PDE4D: variants seen among roughly 807,000 people sequenced by gnomAD.
PDE4D encodes 3',5'-cyclic-AMP phosphodiesterase 4D.
In PDE4D, 24 loss-of-function variants were observed where a neutral mutation model predicts 87.4. The ratio of observed to expected loss-of-function variants is 0.27; its 90% CI spans 0.20 to 0.39. The LOEUF is 0.39. Ranked by LOEUF, PDE4D falls within the 10% of genes least tolerant of loss-of-function variation. The pLI is 1.00. For synonymous variants in PDE4D, 384 were observed against 383.2 expected (o/e 1.00, Z -0.02); for missense variants, 714 against 1,041.0 (o/e 0.69, Z 4.32).
chr5:60,187,295 A>G (rs76073076), intron 1 of PDE4D, among the ~76,000 whole-genome samples: 1 of 152,280 alleles, frequency 6.6e-6, no homozygotes, highest in South Asian at 2.1e-4. Flanking sequence ...CACCTTTACA[A>G]ATTAGCATCC....
intron 6 of PDE4D, among the ~76,000 whole-genome samples, chr5:59,022,410 C>T (rs1253428572): frequency 2.6e-5 from 4 of 152,160 alleles, no homozygotes; most frequent in African/African-American, 9.7e-5. Context: ...ATTTTCCACC[C>T]TATTCAGAAG....
rs1454364586 is a variant in PDE4D, at chr5:59,275,705, T to TG, written c.456-59738dup. Reference sequence around the variant, plus strand: ...CTGAATTCTGAATTGATTCTTCATCTGGGTCACAAGGGAAACCAGCATAGT... The same window carrying TG: ...CTGAATTCTGAATTGATTCTTCATCTGGGGTCACAAGGGAAACCAGCATAGT... On this transcript the variant is annotated intron_variant, in intron 1 of 14. Transcript: ENST00000340635. 6 of 1,084,818 alleles carry TG rather than the reference T, an allele frequency of 5.5e-6. No individual in the cohort carries two copies. The East Asian group carries it at 2.5e-4, about 45-fold the overall frequency. 67.2% of individuals were successfully genotyped at this position (1,084,818 alleles called of 1,614,324 possible).
At chr5:60,511,467 C>T (rs931457834) in intron 1 of PDE4D, among the ~76,000 whole-genome samples, 6 of 150,890 alleles carry the variant, frequency 4.0e-5, no homozygotes, top group African/African-American at 1.5e-4. Context: ...ATATTATTTG[C>T]CAATACATTA....
At chr5:59,768,217 C>G in intron 1 of PDE4D, 1 of 1,593,428 alleles carries the variant, frequency 6.3e-7, no homozygotes, top group East Asian at 2.2e-5. Flanking sequence ...GAAACGGCCA[C>G]CATTTCTGCG....
At chr5:59,572,392 CTATTT>C (rs202097538) in intron 1 of PDE4D, among the ~76,000 whole-genome samples, 1,796 of 152,190 alleles carry the variant, frequency 0.012, 33 homozygotes, top group African/African-American at 0.041. Context: ...CTTATACTAT[CTATTT>C]TATTATACTT....
chr5:60,462,307 G>T (rs544494256), intron 1 of PDE4D, among the ~76,000 whole-genome samples: 1 of 152,132 alleles, frequency 6.6e-6, no homozygotes, highest in Admixed American at 6.5e-5. Flanking sequence ...GGCCTGAGGG[G>T]TGTTCATGGG....
intron 1 of PDE4D, among the ~76,000 whole-genome samples, chr5:59,385,451 T>C (rs1786780665): frequency 6.6e-6 from 1 of 152,194 alleles, no homozygotes; most frequent in African/African-American, 2.4e-5. Context: ...CATTACTCTA[T>C]TGTACTCCAG....
intron 2 of PDE4D, among the ~76,000 whole-genome samples, chr5:60,083,187 A>G (rs1012512182): frequency 2.0e-5 from 3 of 152,206 alleles, no homozygotes; most frequent in Non-Finnish European, 4.4e-5. Flanking sequence ...CTAGCTTGCA[A>G]TTGGACAATA....
intron 1 of PDE4D, among the ~76,000 whole-genome samples, chr5:59,610,761 G>C (rs1331757716): frequency 6.6e-6 from 1 of 152,146 alleles, no homozygotes; most frequent in Admixed American, 6.5e-5. Flanking sequence ...GGGGGAAAAG[G>C]AGACTACATG....
At chr5:59,638,115 G>T (rs1740907620) in intron 1 of PDE4D, among the ~76,000 whole-genome samples, 1 of 151,626 alleles carries the variant, frequency 6.6e-6, no homozygotes, top group South Asian at 2.1e-4. Flanking sequence ...AGAGAGGATG[G>T]ATAGGAAATG....
chr5:60,412,260 C>T (rs955550309), intron 1 of PDE4D, among the ~76,000 whole-genome samples: 5 of 152,130 alleles, frequency 3.3e-5, no homozygotes, highest in African/African-American at 9.7e-5. Flanking sequence ...GGGGAAAAAA[C>T]AGCCAAGGGA....
chr5:60,342,295 TAC>T (rs1758382337), intron 1 of PDE4D, among the ~76,000 whole-genome samples: 1 of 152,344 alleles, frequency 6.6e-6, no homozygotes, highest in Non-Finnish European at 1.5e-5. Flanking sequence ...TCTTTCCCTT[TAC>T]GCTTTATTGT....
rs1162711159 is a variant in PDE4D at position 59,145,728 on chromosome 5, A to C, written c.808+34867T>G. Among the ~76,000 whole-genome samples, 3 of 152,232 alleles carry C rather than the reference A, an allele frequency of 2.0e-5. No homozygotes were observed. In the East Asian group the frequency reaches 5.8e-4, roughly 29 times the overall value. On this transcript the variant is annotated intron_variant, in intron 5 of 14. Coordinates refer to ENST00000340635, the MANE Select transcript of PDE4D (RefSeq NM_001104631.2). ...GAAAGCCGCTGATTTCACCTACATA[A>C]TTCCATGTCTGCGAAATCATGTGGT...
chr5:59,565,542 C>A (rs1364740336), intron 1 of PDE4D, among the ~76,000 whole-genome samples: 2 of 151,960 alleles, frequency 1.3e-5, no homozygotes, highest in Non-Finnish European at 2.9e-5. Context: ...AAACAACAAC[C>A]AAAAAAACCC....
At chr5:60,374,591 A>G (rs1042002059) in intron 1 of PDE4D, among the ~76,000 whole-genome samples, 1 of 152,166 alleles carries the variant, frequency 6.6e-6, no homozygotes, top group Non-Finnish European at 1.5e-5. Context: ...TGCTCCAGGG[A>G]AGGTCATCTC....
At chr5:59,697,415 G>T (rs557881320) in intron 1 of PDE4D, among the ~76,000 whole-genome samples, 2 of 152,300 alleles carry the variant, frequency 1.3e-5, no homozygotes, top group South Asian at 4.1e-4. Context: ...GACCTGAAGG[G>T]CAAGTGTGTG....
At chr5:59,594,493 G>A (rs537520537) in intron 1 of PDE4D, among the ~76,000 whole-genome samples, 33 of 151,800 alleles carry the variant, frequency 2.2e-4, no homozygotes, top group African/African-American at 7.5e-4. Flanking sequence ...GCTAATTTTC[G>A]TGTTTTCAGT....
chr5:59,282,505 T>C (rs1766018682), intron 1 of PDE4D, among the ~76,000 whole-genome samples: 1 of 151,826 alleles, frequency 6.6e-6, no homozygotes, highest in Admixed American at 6.6e-5. Flanking sequence ...TAGCTGGGTG[T>C]GGTGGCGAGC....
chr5:59,540,942 T>C (rs1388328734), intron 1 of PDE4D, among the ~76,000 whole-genome samples: 2 of 152,138 alleles, frequency 1.3e-5, no homozygotes, highest in East Asian at 1.9e-4. Flanking sequence ...TTTTATCTTA[T>C]AGATTTATTT....
Sources: gnomAD v4.1 joint callset for allele counts (sites outside exome capture counted in the v4.1 genomes callset) on GRCh38, gnomAD v4.1.1 for gene constraint, MANE v1.5 for transcripts, NCBI Gene and HGNC (gene_info 2026-07-23, HGNC 2026-07-21) for gene names.